Variants in DAZL observed in about 807,000 individuals in gnomAD.
DAZL encodes deleted in azoospermia like.
Under a neutral mutation model 45.0 loss-of-function variants are expected in DAZL, and 4 were observed. The observed-to-expected ratio is 0.09, with a 90% confidence interval of 0.04 to 0.20. The LOEUF is 0.20. Among genes scored for constraint, DAZL ranks in the 10% least tolerant of loss-of-function variants. The probability of loss-of-function intolerance (pLI) is 1.00; values close to 1 mark genes in which losing one functional copy is unlikely to be tolerated. For missense variants in DAZL, 326 were observed against 351.3 expected, an observed-to-expected ratio of 0.93 and a Z score of 0.58; for synonymous variants, 122 against 112.4, an observed-to-expected ratio of 1.09 and a Z score of -0.54.
At position 16,592,045 on chromosome 3, in the gene DAZL, C is replaced by T; in HGVS notation, c.834+5G>A. On this transcript the variant is annotated splice_donor_5th_base_variant and intron_variant, in intron 10 of 10. Coordinates refer to ENST00000399444, the MANE Select transcript of DAZL (RefSeq NM_001351.4). ...TTTAATTGTGCGTAACTGTTATATT[C>T]ATACCTTGAAGTAGTCATCTTGAGT... is the stretch of plus-strand genomic sequence containing the variant. The T allele has an allele frequency of 1.2e-6, 2 of 1,610,834 alleles. No individual in the cohort carries two copies. Among genetic ancestry groups the T allele is most frequent in the African/African-American group, 1.3e-5 (1 of 74,964 alleles).
At chr3:16,604,782 C>T in intron 1 of DAZL, 1 of 1,337,100 alleles carries the variant, frequency 7.5e-7, no homozygotes. Context: ...GGCGGAGGCG[C>T]GTGGGAGTGG....
chr3:16,599,456 T>C (rs1480638337), intron 1 of DAZL, among the ~76,000 whole-genome samples: 3 of 152,196 alleles, frequency 2.0e-5, no homozygotes, highest in African/African-American at 7.2e-5. Context: ...ACTTTGGAAA[T>C]GGATCATGGA....
chr3:16,604,847 G>C (rs1345420421), intron 1 of DAZL: 1 of 727,748 alleles, frequency 1.4e-6, no homozygotes, highest in East Asian at 3.0e-5. Flanking sequence ...GGCGGGGTGG[G>C]GCAGTCGGGG....
intron 10 of DAZL, among the ~76,000 whole-genome samples, chr3:16,591,579 G>A (rs1236179935): frequency 1.3e-5 from 2 of 151,810 alleles, no homozygotes; most frequent in Non-Finnish European, 2.9e-5. Flanking sequence ...GACTACAGGC[G>A]TGCACCATCA....
At chr3:16,592,839 G>A (rs1439425903) in intron 9 of DAZL, among the ~76,000 whole-genome samples, 1 of 152,072 alleles carries the variant, frequency 6.6e-6, no homozygotes, top group East Asian at 1.9e-4. Flanking sequence ...ACTCCAATGG[G>A]ACTTCAGTGT....
chr3:16,588,803 G>C, intron 10 of DAZL, 90 bp from the exon 11 acceptor site: 1 of 1,028,778 alleles, frequency 9.7e-7, no homozygotes, highest in Non-Finnish European at 1.5e-6. Context: ...TAAACCATTT[G>C]TTTTGGGTTT....
chr3:16,597,908 T>TA (rs1469184184), intron 3 of DAZL, among the ~76,000 whole-genome samples, 179 bp downstream of exon 3: 1 of 152,230 alleles, frequency 6.6e-6, no homozygotes, highest in Non-Finnish European at 1.5e-5. Context: ...AGATTGAAGA[T>TA]ATTCAAAAAC....
intron 1 of DAZL, chr3:16,604,705 T>C: frequency 7.4e-7 from 1 of 1,359,098 alleles, no homozygotes; most frequent in South Asian, 2.0e-5. Flanking sequence ...AGAAGGCAAG[T>C]CCCTCAGCAG....
At chr3:16,601,619 A>C (rs567973622) in intron 1 of DAZL, among the ~76,000 whole-genome samples, 1 of 152,234 alleles carries the variant, frequency 6.6e-6, no homozygotes, top group African/African-American at 2.4e-5. Flanking sequence ...TGCTTAGGAT[A>C]AGCAAAAGCT....
Position 16,587,345 on chromosome 3 carries a change from AGATCAAATGGTACT to A in DAZL, c.*1301_*1314del, listed in dbSNP as rs1694452816. The A allele has an allele frequency of 1.3e-5, 2 of 152,244 alleles. No homozygotes were observed. Among genetic ancestry groups the A allele is most frequent in the South Asian group, 4.1e-4 (2 of 4,832 alleles). The allele number at this position is 152,244 out of a possible 1,614,324, so 9.4% of individuals were successfully genotyped here. ...GCCGCTTTAAACTCATGTCCATGGC[AGATCAAATGGTACT>A]GATACAACTTTTTCCCTTAGAAAGG... is the stretch of plus-strand genomic sequence containing the variant. On this transcript the variant is annotated 3_prime_UTR_variant, in exon 11 of 11. Coordinates refer to ENST00000399444, the MANE Select transcript of DAZL (RefSeq NM_001351.4).
At chr3:16,597,938 A>G (rs1694625278) in intron 3 of DAZL, 149 bp downstream of exon 3, 3 of 835,962 alleles carry the variant, frequency 3.6e-6, no homozygotes, top group South Asian at 1.8e-5. Flanking sequence ...AAAAATGATT[A>G]AAAGAGCTGG....
chr3:16,596,037 AAAG>A (rs1694594976), intron 6 of DAZL, among the ~76,000 whole-genome samples: 3 of 152,086 alleles, frequency 2.0e-5, no homozygotes, highest in East Asian at 3.9e-4. Flanking sequence ...AGAGAAGGAG[AAAG>A]AAGAGGAGGT....
At position 16,596,867 on chromosome 3, in the gene DAZL, A is replaced by G. The variant is rs771839200; in HGVS notation, c.381T>C (p.Arg127=). The G allele has an allele frequency of 8.7e-6, 14 of 1,613,880 alleles. No individual in the cohort carries two copies. The South Asian group carries it at 1.5e-4, about 18-fold the overall frequency. Residue 127 remains arginine (R), a synonymous_variant, in exon 6 of 11, where the codon CGT becomes CGC. Transcript: ENST00000399444. ...GAGGAGGATGATTAAAAACCAAAGG[A>G]CGTGGCTGCACATGATAAGCACCTT... ...QNLCAYHVQP[R]PLVFNHPPPP... is the part of the protein sequence containing the mutation.
At chr3:16,593,206 T>C (rs1694547567) in intron 9 of DAZL, among the ~76,000 whole-genome samples, 1 of 152,218 alleles carries the variant, frequency 6.6e-6, no homozygotes, top group Admixed American at 6.5e-5. Context: ...ATAGTATTTA[T>C]TGAAGTATGG....
chr3:16,596,707 G>T (rs1336444591), intron 6 of DAZL, 43 bp downstream of exon 6: 6 of 1,603,818 alleles, frequency 3.7e-6, no homozygotes, highest in Admixed American at 3.3e-5. Flanking sequence ...AAGGTACGAT[G>T]ACTACAATAA....
At chr3:16,603,319 G>A (rs546126871) in intron 1 of DAZL, among the ~76,000 whole-genome samples, 2 of 151,960 alleles carry the variant, frequency 1.3e-5, no homozygotes, top group South Asian at 4.2e-4. Context: ...ATACAAGCAT[G>A]CCAAGATATT....
At chr3:16,598,957 A>AT (rs1363752718) in intron 1 of DAZL, among the ~76,000 whole-genome samples, 1 of 151,804 alleles carries the variant, frequency 6.6e-6, no homozygotes, top group Non-Finnish European at 1.5e-5. Context: ...CTAATTTTGT[A>AT]TTTTTAGTAG....
chr3:16,603,623 G>A (rs913002432), intron 1 of DAZL, among the ~76,000 whole-genome samples: 8 of 152,122 alleles, frequency 5.3e-5, no homozygotes, highest in African/African-American at 1.9e-4. Flanking sequence ...ATTGATTACA[G>A]GCGTGAGCCA....
intron 9 of DAZL, among the ~76,000 whole-genome samples, chr3:16,593,432 A>G (rs768474133): frequency 5.3e-5 from 8 of 152,134 alleles, no homozygotes; most frequent in Non-Finnish European, 8.8e-5. Flanking sequence ...CTCAGCCCCA[A>G]AAAGTGCTGG....
Sources: allele counts gnomAD v4.1 joint callset (sites outside exome capture counted in the v4.1 genomes callset), GRCh38; gene constraint gnomAD v4.1.1; transcripts MANE v1.5; gene names NCBI Gene and HGNC (gene_info 2026-07-23, HGNC 2026-07-21).